The following PRMT8 variants were observed in gnomAD, a reference collection of about 807,000 sequenced individuals.
PRMT8 encodes protein arginine N-methyltransferase 8.
In PRMT8, 7 loss-of-function variants were observed where a neutral mutation model predicts 47.1. The ratio of observed to expected loss-of-function variants is 0.15; its 90% CI spans 0.08 to 0.28. The LOEUF (loss-of-function observed/expected upper bound fraction) is 0.28, where lower values mean the gene tolerates loss of function less well. Among genes scored for constraint, PRMT8 ranks in the 10% least tolerant of loss-of-function variants. PRMT8 has a pLI of 1.00. For missense variants in PRMT8, 237 were observed against 505.4 expected (o/e 0.47, Z 5.09); for synonymous variants, 188 against 186.5 (o/e 1.01, Z -0.07).
At chr12:3,387,245 A>C (rs1307722896) in intron 1 of PRMT8, among the ~76,000 whole-genome samples, 1 of 152,236 alleles carries the variant, frequency 6.6e-6, no homozygotes, top group Non-Finnish European at 1.5e-5. Context: ...AGCACACAGC[A>C]ACAATAATTT....
rs546830181 is a variant in PRMT8, at chr12:3,411,889, C to T, written c.48+30447C>T. The stretch of plus-strand genomic sequence containing the variant: ...ATAAATGTCTTTTCTTTATGAATGA[C>T]CCGGTCTCAGCTATTCACTTATAGC... On this transcript the variant is annotated intron_variant, in intron 1 of 9. Transcript: ENST00000452611. Among the ~76,000 whole-genome samples, 10 of 152,328 alleles carry T rather than the reference C, an allele frequency of 6.6e-5. 1 individual carries two copies. Among genetic ancestry groups the T allele is most frequent in the South Asian group, 6.2e-4 (3 of 4,828 alleles).
At chr12:3,428,617 C>G (rs1307709169) in intron 1 of PRMT8, among the ~76,000 whole-genome samples, 1 of 151,946 alleles carries the variant, frequency 6.6e-6, no homozygotes, top group African/African-American at 2.4e-5. Context: ...TTAAATTTAC[C>G]CTGGCTTTTA....
intron 1 of PRMT8, among the ~76,000 whole-genome samples, chr12:3,465,870 A>G (rs750529773): frequency 6.6e-6 from 1 of 152,062 alleles, no homozygotes; most frequent in African/African-American, 2.4e-5. Context: ...AGGAGGGTTG[A>G]TTTTTTCTAA....
chr12:3,434,912 CCAGA>C (rs1444462392), intron 1 of PRMT8, among the ~76,000 whole-genome samples: 15 of 151,436 alleles, frequency 9.9e-5, no homozygotes, highest in African/African-American at 3.6e-4. Context: ...CACTCTCAGG[CCAGA>C]CAAAGATCTC....
At chr12:3,525,890 C>T (rs914626256) in intron 1 of PRMT8, among the ~76,000 whole-genome samples, 4 of 151,846 alleles carry the variant, frequency 2.6e-5, no homozygotes, top group Admixed American at 2.6e-4. Context: ...TAAAATTTAC[C>T]ATCTTAACCA....
chr12:3,382,323 T>C (rs1327126805), intron 1 of PRMT8, among the ~76,000 whole-genome samples: 1 of 152,216 alleles, frequency 6.6e-6, no homozygotes, highest in Non-Finnish European at 1.5e-5. Context: ...TTTTCCAGAG[T>C]GGCCGTACCA....
At chr12:3,465,856 A>T (rs1391342064) in intron 1 of PRMT8, among the ~76,000 whole-genome samples, 1 of 152,198 alleles carries the variant, frequency 6.6e-6, no homozygotes, top group East Asian at 1.9e-4. Context: ...CTGCACACAT[A>T]CGCAGGAGGG....
Position 3,557,069 on chromosome 12 carries a change from G to A in PRMT8, c.481+3355G>A, listed in dbSNP as rs532602089. ...GAATGAGACAGTTGCATGCCAAAAA[G>A]AGAGAAGGTGAAGGGAGGTGAGTCC... On this transcript the variant is annotated intron_variant, in intron 4 of 9. Coordinates refer to ENST00000382622, the MANE Select transcript of PRMT8 (RefSeq NM_019854.5). This position sits in a 1 kb window ranked among gnomAD's most constrained non-coding sequence, Gnocchi z 4.7. 2.0e-5 allele frequency among the ~76,000 whole-genome samples: 3 copies of A among 152,340 alleles called. No homozygotes were observed. The South Asian group carries it at 6.2e-4, about 32-fold the overall frequency.
chr12:3,428,174 TCTC>T (rs995719014), intron 1 of PRMT8, among the ~76,000 whole-genome samples: 2 of 152,106 alleles, frequency 1.3e-5, no homozygotes, highest in African/African-American at 2.4e-5. Flanking sequence ...AAGATTTAGA[TCTC>T]CTGCTGGGAA....
chr12:3,450,404 C>T (rs1478080886), intron 1 of PRMT8, among the ~76,000 whole-genome samples: 1 of 152,194 alleles, frequency 6.6e-6, no homozygotes, highest in African/African-American at 2.4e-5. Context: ...AGAGAAATTA[C>T]ATTTGTTAAC....
At chr12:3,586,377 A>G (rs947516805) in intron 8 of PRMT8, among the ~76,000 whole-genome samples, 1 of 152,134 alleles carries the variant, frequency 6.6e-6, no homozygotes, top group Admixed American at 6.5e-5. Context: ...CCACAGTCCT[A>G]CGTGGCTCAA....
intron 6 of PRMT8, among the ~76,000 whole-genome samples, chr12:3,573,602 A>G (rs1029346138): frequency 2.0e-5 from 3 of 152,226 alleles, no homozygotes; most frequent in Non-Finnish European, 2.9e-5. Flanking sequence ...AATCACACCT[A>G]TGTCCAGAAA....
At chr12:3,413,408 A>G (rs1460372264) in intron 1 of PRMT8, among the ~76,000 whole-genome samples, 2 of 152,194 alleles carry the variant, frequency 1.3e-5, no homozygotes, top group Non-Finnish European at 2.9e-5. Flanking sequence ...AGTCCTGGGT[A>G]TGTCTTTATT....
Position 3,583,574 on chromosome 12 carries a change from C to T in PRMT8, c.979+366C>T, listed in dbSNP as rs1164775923. The stretch of plus-strand genomic sequence containing the variant: ...AGTTGAATAAGCCTAGTCTGCACTG[C>T]CATGCCTCTGTGCAGGACACAGCCT... On this transcript the variant is annotated intron_variant, in intron 8 of 9. Coordinates refer to ENST00000382622, the MANE Select transcript of PRMT8 (RefSeq NM_019854.5). This position sits in a 1 kb window ranked among gnomAD's most constrained non-coding sequence, Gnocchi z 4.7. 6.6e-6 allele frequency among the ~76,000 whole-genome samples: 1 copy of T among 152,196 alleles called. No individual in the cohort carries two copies. The highest frequency in any genetic ancestry group is 1.5e-5 in the Non-Finnish European group (1 of 68,036).
At chr12:3,421,421 G>T (rs1043191937) in intron 1 of PRMT8, among the ~76,000 whole-genome samples, 1 of 152,220 alleles carries the variant, frequency 6.6e-6, no homozygotes, top group Non-Finnish European at 1.5e-5. Flanking sequence ...TCCTGCCGGG[G>T]GGTGGGGTGG....
chr12:3,540,576 TA>T, intron 1 of PRMT8, 29 bp from the exon 2 acceptor site: 1 of 1,480,314 alleles, frequency 6.8e-7, no homozygotes, highest in Non-Finnish European at 9.4e-7. Flanking sequence ...TTGTCTCTCC[TA>T]ACACCCGACC....
chr12:3,441,998 G>T (rs559333949), intron 1 of PRMT8, among the ~76,000 whole-genome samples: 1 of 152,216 alleles, frequency 6.6e-6, no homozygotes, highest in Admixed American at 6.5e-5. Context: ...AACCCAAACC[G>T]AACAACTATC....
chr12:3,382,386 C>T (rs1477161240), intron 1 of PRMT8, among the ~76,000 whole-genome samples: 2 of 152,212 alleles, frequency 1.3e-5, no homozygotes, highest in Admixed American at 6.5e-5. Context: ...TGCGTCCTCA[C>T]CTGCATTTGC....
At position 3,467,197 on chromosome 12, in the gene PRMT8, A is replaced by G. The variant is rs373691055; in HGVS notation, c.49-73409A>G. 6.5e-4 allele frequency among the ~76,000 whole-genome samples: 82 copies of G among 127,080 alleles called. 2 individuals are homozygous for G. The South Asian group carries it at 0.023, about 35-fold the overall frequency. 83.4% of individuals were successfully genotyped at this position (127,080 alleles called of 152,430 possible). On this transcript the variant is annotated intron_variant, in intron 1 of 9. Transcript: ENST00000452611. ...GGAGCTTGCAGTGAGCCGAGATCGCACCACTGCACTCCAGCCTGGGCGACA... is the reference window on the plus strand; with the variant it reads ...GGAGCTTGCAGTGAGCCGAGATCGCGCCACTGCACTCCAGCCTGGGCGACA...
Sources: allele counts gnomAD v4.1 joint callset (sites outside exome capture counted in the v4.1 genomes callset), GRCh38; gene constraint gnomAD v4.1.1; non-coding constraint Gnocchi (gnomAD v3.1); transcripts MANE v1.5; gene names NCBI Gene and HGNC (gene_info 2026-07-23, HGNC 2026-07-21).